RAB9A: variants seen among roughly 807,000 people sequenced by gnomAD.
RAB9A encodes RAB9A, member RAS oncogene family.
In RAB9A, 1 loss-of-function variant was observed where a neutral mutation model predicts 10.3. The observed-to-expected ratio is 0.10, with a 90% confidence interval of 0.03 to 0.46. RAB9A has a LOEUF of 0.46. Ranked by LOEUF, RAB9A falls within the 20% of genes least tolerant of loss-of-function variation. The pLI is 0.96. For missense variants in RAB9A, 92 were observed against 150.3 expected, an observed-to-expected ratio of 0.61 and a Z score of 2.03; for synonymous variants, 39 against 55.2, an observed-to-expected ratio of 0.71 and a Z score of 1.30.
At chrX:13,697,357 A>G (rs893018559) in intron 1 of RAB9A, among the ~76,000 whole-genome samples, 5 of 112,114 alleles carry the variant, frequency 4.5e-5, no homozygotes, top group Non-Finnish European at 9.4e-5. Flanking sequence ...TTCCTGAAAT[A>G]TCTACCTTTA....
rs2046179230 is a variant in RAB9A at position 13,702,611 on chromosome X, A to AAC, written c.-115-1202_-115-1201dup. ...TGGCTGGACTCTCATGGACTCAGGC[A>AAC]ACTCCGTAAGATAGTGGCATGGGGA... On this transcript the variant is annotated intron_variant, in intron 1 of 2. Transcript: ENST00000464506. Among the ~76,000 whole-genome samples the AAC allele has an allele frequency of 2.7e-5, 3 of 112,115 alleles. No individual in the cohort carries two copies. In the Admixed American group the frequency reaches 2.8e-4, roughly 11 times the overall value.
chrX:13,692,448 G>A (rs1416287362), intron 1 of RAB9A, among the ~76,000 whole-genome samples: 2 of 112,627 alleles, frequency 1.8e-5, no homozygotes, highest in South Asian at 3.7e-4. Flanking sequence ...GGTTAACCAC[G>A]TGTGAATATT....
intron 2 of RAB9A, 148 bp downstream of exon 2, chrX:13,704,050 AT>A (rs2046186667): frequency 9.0e-6 from 1 of 111,644 alleles, no homozygotes; most frequent in African/African-American, 3.3e-5. Flanking sequence ...GAGCGTTTTC[AT>A]TTTTGCCTTG....
intron 1 of RAB9A, among the ~76,000 whole-genome samples, chrX:13,702,912 A>T (rs141956867): frequency 2.6e-4 from 29 of 112,248 alleles, no homozygotes; most frequent in Non-Finnish European, 9.4e-5. Context: ...ACTTATTGAA[A>T]AATTCCTTTC....
In RAB9A at chrX:13,697,452, G is replaced by A. The variant is rs189197207; in HGVS notation, c.-115-6362G>A. Among the ~76,000 whole-genome samples the A allele has an allele frequency of 2.1e-3, 240 of 111,644 alleles. 1 individual carries two copies. Among genetic ancestry groups the A allele is most frequent in the African/African-American group, 7.3e-3 (223 of 30,727 alleles). On this transcript the variant is annotated intron_variant, in intron 1 of 2. Coordinates refer to ENST00000464506, the MANE Select transcript of RAB9A (RefSeq NM_004251.5). ...CCAAAGTGCACTCTATTGTCAAAAA[G>A]TATTGTAAGTACCTTTTACAGGTAA...
chrX:13,707,249 ATCT>A (rs2046202002), intron 2 of RAB9A, among the ~76,000 whole-genome samples: 1 of 112,262 alleles, frequency 8.9e-6, no homozygotes, highest in African/African-American at 3.2e-5. Flanking sequence ...TCTAATAGTT[ATCT>A]TCTTATATAC....
chrX:13,708,382 A>G (rs1296385049), intron 2 of RAB9A, among the ~76,000 whole-genome samples: 4 of 110,221 alleles, frequency 3.6e-5, no homozygotes, highest in African/African-American at 6.6e-5. Flanking sequence ...TCTCCTACCC[A>G]TCTCTAACAA....
At chrX:13,701,551 A>C (rs1400759620) in intron 1 of RAB9A, among the ~76,000 whole-genome samples, 1 of 111,627 alleles carries the variant, frequency 9.0e-6, no homozygotes, top group Non-Finnish European at 1.9e-5. Flanking sequence ...GATAGTACAC[A>C]TCCATGTAAT....
At chrX:13,708,615 T>A in intron 2 of RAB9A, 106 bp from the exon 3 acceptor site, 1 of 721,544 alleles carries the variant, frequency 1.4e-6, no homozygotes, top group Non-Finnish European at 2.0e-6. Context: ...TATTAGGTAT[T>A]CCCTGGGGCC....
intron 1 of RAB9A, among the ~76,000 whole-genome samples, chrX:13,701,023 C>G (rs182235847): frequency 8.9e-6 from 1 of 112,326 alleles, no homozygotes; most frequent in Non-Finnish European, 1.9e-5. Flanking sequence ...CTGCCTGCCT[C>G]TGCCTCCCGT....
chrX:13,690,223 T>G (rs2046114474), intron 1 of RAB9A, among the ~76,000 whole-genome samples: 1 of 112,269 alleles, frequency 8.9e-6, no homozygotes, highest in Admixed American at 9.4e-5. Context: ...AAACTAGAGA[T>G]AAAGAAACCT....
chrX:13,691,365 G>T (rs777171433), intron 1 of RAB9A, among the ~76,000 whole-genome samples: 9 of 111,900 alleles, frequency 8.0e-5, no homozygotes, highest in Non-Finnish European at 1.5e-4. Context: ...TCACTTGAAA[G>T]ATTAAAGAGT....
intron 1 of RAB9A, among the ~76,000 whole-genome samples, chrX:13,701,789 A>G (rs754833400): frequency 9.0e-6 from 1 of 111,339 alleles, no homozygotes; most frequent in East Asian, 2.8e-4. Context: ...AATGTGAACA[A>G]GGTAAAACAC....
At chrX:13,691,767 G>A (rs1309919470) in intron 1 of RAB9A, among the ~76,000 whole-genome samples, 2 of 108,761 alleles carry the variant, frequency 1.8e-5, no homozygotes, top group African/African-American at 6.7e-5. Flanking sequence ...GCTATTCAGA[G>A]CCATTAAAGT....
In RAB9A at chrX:13,693,914, C is replaced by A. The variant is rs1417122596; in HGVS notation, c.-116+4626C>A. On this transcript the variant is annotated intron_variant, in intron 1 of 2. Transcript: ENST00000464506. ...ACACAGACTCCACTTTTGTCTTAGGCCTGACTCGTACAAACATATTCTGTT... is the reference window on the plus strand; with the variant it reads ...ACACAGACTCCACTTTTGTCTTAGGACTGACTCGTACAAACATATTCTGTT... Among the ~76,000 whole-genome samples, 3 of 111,380 alleles carry A rather than the reference C, an allele frequency of 2.7e-5. No homozygotes were observed. In the Admixed American group the frequency reaches 2.9e-4, roughly 11 times the overall value.
intron 2 of RAB9A, among the ~76,000 whole-genome samples, chrX:13,704,113 A>G (rs763813271): frequency 1.3e-4 from 15 of 111,395 alleles, no homozygotes; most frequent in Middle Eastern, 4.6e-3. Context: ...TTCCTATATC[A>G]CGTTGGTGCC....
At chrX:13,699,423 A>G (rs1288463269) in intron 1 of RAB9A, among the ~76,000 whole-genome samples, 2 of 112,638 alleles carry the variant, frequency 1.8e-5, no homozygotes, top group Non-Finnish European at 3.7e-5. Context: ...TTGTACGAGA[A>G]GTGGCAGAAC....
chrX:13,706,635 G>C (rs2046198884), intron 2 of RAB9A, among the ~76,000 whole-genome samples: 1 of 108,383 alleles, frequency 9.2e-6, no homozygotes, highest in Non-Finnish European at 1.9e-5. Flanking sequence ...CTGACCTCAA[G>C]TGACCTGCCC....
At chrX:13,708,643 T>G in intron 2 of RAB9A, 78 bp from the exon 3 acceptor site, 2 of 935,110 alleles carry the variant, frequency 2.1e-6, no homozygotes, top group East Asian at 6.3e-5. Context: ...TTATTTCAGC[T>G]AAATGCTGAT....
Sources: allele counts gnomAD v4.1 joint callset (sites outside exome capture counted in the v4.1 genomes callset), GRCh38; gene constraint gnomAD v4.1.1; transcripts MANE v1.5; gene names NCBI Gene and HGNC (gene_info 2026-07-23, HGNC 2026-07-21).